The following PKD1 variants were observed in gnomAD, a reference collection of about 807,000 sequenced individuals.
The protein encoded by PKD1 is polycystin-1.
In PKD1, 81 loss-of-function variants were observed where a neutral mutation model predicts 361.7. The observed-to-expected ratio is 0.22, with a 90% CI of 0.19 to 0.27. The LOEUF (loss-of-function observed/expected upper bound fraction) is 0.27, where lower values mean the gene tolerates loss of function less well. PKD1 is among the 10% of genes least tolerant of loss of function. The pLI, the probability that PKD1 is intolerant of heterozygous loss-of-function variation, is 1.00. For missense variants in PKD1, 6,399 were observed against 6,118.3 expected, an observed-to-expected ratio of 1.05 and a Z score of -1.53; for synonymous variants, 3,615 against 2,818.3, an observed-to-expected ratio of 1.28 and a Z score of -8.95.
At chr16:2,107,201 G>A (rs1051803349) in intron 16 of PKD1, 11 of 553,806 alleles carry the variant, frequency 2.0e-5, no homozygotes, top group South Asian at 9.6e-5. Context: ...CCTAGCAGGA[G>A]GCAGGCAATG....
chr16:2,099,340 C>T (rs935046729), intron 30 of PKD1: 9 of 416,516 alleles, frequency 2.2e-5, no homozygotes, highest in Non-Finnish European at 3.6e-5. Flanking sequence ...TTCTGGAGTG[C>T]ATTTCGGAAG....
Position 2,092,552 on chromosome 16 carries a change from G to A in PKD1, c.11197C>T (p.Pro3733Ser), listed in dbSNP as rs2091644876. Residue 3733 changes from proline to serine, a missense_variant, in exon 39 of 46, where the codon CCC becomes TCC. Coordinates refer to ENST00000262304, the MANE Select transcript of PKD1 (RefSeq NM_001009944.3). ...CTGGACTGGTTCCCGTGGACGTAGG[G>A]CAGCAGCACGTGGGCCATCCATGGC... ...LWPWMAHVLL[P>S]YVHGNQSSPE... 6.2e-7 allele frequency: 1 copy of A among 1,612,428 alleles called. No individual in the cohort carries two copies. The highest frequency in any genetic ancestry group is 1.7e-5 in the Admixed American group (1 of 59,996).
At position 2,135,752 on chromosome 16, in the gene PKD1, C is replaced by T. The variant is rs1008137525; in HGVS notation, c.-63G>A. On this transcript the variant is annotated 5_prime_UTR_variant, in exon 1 of 46. Transcript: ENST00000262304. ...GCCCGCCCGCGCGCGGAGGCCGCAG[C>T]TCAGGCGGGGCCCGCGGACGGCATG... The T allele has an allele frequency of 6.2e-6, 6 of 964,604 alleles. No individual in the cohort carries two copies. Among genetic ancestry groups the T allele is most frequent in the Non-Finnish European group, 7.4e-6 (6 of 813,920 alleles). The allele number at this position is 964,604 out of a possible 1,614,324, so 59.8% of individuals were successfully genotyped here. A position where few individuals can be genotyped will look rare whatever the true frequency, so the allele number is the denominator to read the frequency against.
intron 39 of PKD1, 137 bp from the exon 40 acceptor site, chr16:2,092,325 C>CGTTACCATCTCTCATATACAGAGAA (rs1279971346): frequency 1.2e-5 from 12 of 1,041,220 alleles, no homozygotes; most frequent in Non-Finnish European, 2.8e-6. Context: ...AATTAGACAA[C>CGTTACCATCTCTCATATACAGAGAA]GTTACCATCT....
chr16:2,090,159 C>G lies in PKD1; in HGVS notation c.12480G>C (p.Pro4160=). The G allele has an allele frequency of 6.3e-7, 1 of 1,595,750 alleles. No individual in the cohort carries two copies. Among genetic ancestry groups the G allele is most frequent in the East Asian group, 2.2e-5 (1 of 44,612 alleles). ...AGCCCCTGGAGGAGCGAGAGGGCAG[C>G]GGCTCCATCCCTTCAAAGCGGACTT... ...RHKVRFEGME[P]LPSRSSRGSK... Residue 4160 remains proline, a synonymous_variant, in exon 46 of 46, where the codon CCG becomes CCC. Coordinates refer to ENST00000262304, the MANE Select transcript of PKD1 (RefSeq NM_001009944.3).
In PKD1 at chr16:2,091,110, C is replaced by A; in HGVS notation, c.11777G>T (p.Gly3926Val). Residue 3926 changes from glycine (G) to valine (V), a missense_variant, in exon 43 of 46, where the codon GGG becomes GTG. Coordinates refer to ENST00000262304, the MANE Select transcript of PKD1 (RefSeq NM_001009944.3). ...VAEARTWHRE[G>V]RWRVLRLGAW... is the part of the protein sequence containing the mutation. ...TCCGAGCCGCAGCACGCGCCAGCGC[C>A]CTTCCCTGTGCCAAGTACGGGCCTC... 1 of 1,494,754 alleles carries A rather than the reference C, an allele frequency of 6.7e-7. No homozygotes were observed. Among genetic ancestry groups the A allele is most frequent in the Non-Finnish European group, 8.9e-7 (1 of 1,128,382 alleles). 92.6% of individuals were successfully genotyped at this position (1,494,754 alleles called of 1,614,324 possible). A position where few individuals can be genotyped will look rare whatever the true frequency, so the allele number is the denominator to read the frequency against.
rs532448929 is a variant in PKD1 at position 2,109,455 on chromosome 16, C to A, written c.5712G>T (p.Leu1904=). ...ASSKVVAPGQ[L]VHFQILLAAG... is the part of the protein sequence containing the mutation. ...CAGCCAGCAGGATCTGAAAATGGAC[C>A]AGCTGCCCGGGCGCCACCACCTTGC... Residue 1904 remains leucine (L), a synonymous_variant, in exon 15 of 46, where the codon CTG becomes CTT. Transcript: ENST00000262304. The A allele has an allele frequency of 8.1e-6, 13 of 1,607,456 alleles. No individual in the cohort carries two copies. The highest frequency in any genetic ancestry group is 5.5e-5 in the South Asian group (5 of 90,912).
At position 2,089,393 on chromosome 16, in the gene PKD1, C is replaced by T; in HGVS notation, c.*334G>A. 2.3e-6 allele frequency: 1 copy of T among 431,736 alleles called. No individual in the cohort carries two copies. The highest frequency in any genetic ancestry group is 4.2e-6 in the Non-Finnish European group (1 of 236,188). The allele number at this position is 431,736 out of a possible 1,614,324, so 26.7% of individuals were successfully genotyped here. A position where few individuals can be genotyped will look rare whatever the true frequency, so the allele number is the denominator to read the frequency against. ...GGCTAACCCTCCCTGAAGCCAGCAG[C>T]CTTAGCAGTGGGGGACATCTGCCCA... On this transcript the variant is annotated 3_prime_UTR_variant, in exon 46 of 46. Coordinates refer to ENST00000262304, the MANE Select transcript of PKD1 (RefSeq NM_001009944.3).
Position 2,089,549 on chromosome 16 carries a change from G to T in PKD1, c.*178C>A. ...GCTGGGGAGGGGACCCTGGGTCCTG[G>T]TTGGCCACACAGCCTCTTTAAAGTG... On this transcript the variant is annotated 3_prime_UTR_variant, in exon 46 of 46. Coordinates refer to ENST00000262304, the MANE Select transcript of PKD1 (RefSeq NM_001009944.3). 1.4e-6 allele frequency: 1 copy of T among 734,012 alleles called. No homozygotes were observed. Among genetic ancestry groups the T allele is most frequent in the Non-Finnish European group, 2.2e-6 (1 of 445,970 alleles). The allele number at this position is 734,012 out of a possible 1,614,324, so 45.5% of individuals were successfully genotyped here.
In PKD1 at chr16:2,097,619, T is replaced by G. The variant is rs2091900157; in HGVS notation, c.10220+109A>C. 55 of 1,610,240 alleles carry G rather than the reference T, an allele frequency of 3.4e-5. 1 individual carries two copies. The South Asian group carries it at 6.0e-4, about 18-fold the overall frequency. On this transcript the variant is annotated intron_variant, in intron 32 of 45. Coordinates refer to ENST00000262304, the MANE Select transcript of PKD1 (RefSeq NM_001009944.3). Reference sequence around the variant, plus strand: ...CGAGCAAACCTGCTCCCGGGTGGTGTGACCACATGGAGCCACAGACACCCA... The same window carrying G: ...CGAGCAAACCTGCTCCCGGGTGGTGGGACCACATGGAGCCACAGACACCCA...
rs368330127 is a variant in PKD1, at chr16:2,093,850, G to A, written c.10782C>T (p.Ala3594=). 8.9e-6 allele frequency: 14 copies of A among 1,565,476 alleles called. No homozygotes were observed. The highest frequency in any genetic ancestry group is 1.2e-5 in the Non-Finnish European group (14 of 1,161,334). ...VSVAWLLSSS[A]SFLASFLGWE... ...AGCCGAGGAATGAGGCCAGGAAGCT[G>A]GCGCTGCTGGACAGGAGCCACGCAA... The change falls in exon 36 of 46, where the codon GCC becomes GCT. Residue 3594 remains alanine, a synonymous_variant. Coordinates refer to ENST00000262304, the MANE Select transcript of PKD1 (RefSeq NM_001009944.3).
rs1350882435 is a variant in PKD1, at chr16:2,095,736, G to A, written c.10499+1412C>T. Among the ~76,000 whole-genome samples the A allele has an allele frequency of 8.5e-5, 13 of 152,368 alleles. No homozygotes were observed. The South Asian group carries it at 1.9e-3, about 22-fold the overall frequency. ...CCGAAGCACTGTCCGAGCAAGGGAC[G>A]GCCAAGGGTTGAGGAAGCCGGGAGG... On this transcript the variant is annotated intron_variant, in intron 34 of 45. Transcript: ENST00000262304.
At chr16:2,116,220 C>T (rs532181853) in intron 8 of PKD1, 102 bp from the exon 9 acceptor site, 75 of 1,281,320 alleles carry the variant, frequency 5.9e-5, no homozygotes, top group South Asian at 3.4e-4. Context: ...GGAAGGAGAG[C>T]GAGCCATCAG....
rs963389051 is a variant in PKD1, at chr16:2,089,575, C to T, written c.*152G>A. Reference sequence around the variant, plus strand: ...TTGGCCACACAGCCTCTTTAAAGTGCTGAAGCCCACAGACAGACAGATGCC... The same window carrying T: ...TTGGCCACACAGCCTCTTTAAAGTGTTGAAGCCCACAGACAGACAGATGCC... On this transcript the variant is annotated 3_prime_UTR_variant, in exon 46 of 46. Coordinates refer to ENST00000262304, the MANE Select transcript of PKD1 (RefSeq NM_001009944.3). 4.1e-6 allele frequency: 4 copies of T among 983,396 alleles called. No homozygotes were observed. Among genetic ancestry groups the T allele is most frequent in the African/African-American group, 1.6e-5 (1 of 62,188 alleles). 60.9% of individuals were successfully genotyped at this position (983,396 alleles called of 1,614,324 possible).
Position 2,102,949 on chromosome 16 carries a change from G to C in PKD1, c.8813C>G (p.Pro2938Arg), listed in dbSNP as rs760979021. 4 of 1,606,990 alleles carry C rather than the reference G, an allele frequency of 2.5e-6. No homozygotes were observed. Among genetic ancestry groups the C allele is most frequent in the Admixed American group, 3.3e-5 (2 of 60,010 alleles). Residue 2938 changes from proline (P) to arginine (R), a missense_variant, in exon 24 of 46, where the codon CCT (proline) becomes CGT (arginine). Physicochemically the swap from Pro to Arg is moderately radical, Grantham distance 103. Coordinates refer to ENST00000262304, the MANE Select transcript of PKD1 (RefSeq NM_001009944.3). ...LLDGHYLSEE[P>R]EPYLAVYLHS... ...TAGGTAGACTGCCAGGTAGGGCTCA[G>C]GTTCCTCAGACAGGTAGTGGCCTGG...
Position 2,099,775 on chromosome 16 carries a change from G to A in PKD1, c.9924-5C>T. 6.4e-7 allele frequency: 1 copy of A among 1,554,972 alleles called. No individual in the cohort carries two copies. Among genetic ancestry groups the A allele is most frequent in the South Asian group, 1.2e-5 (1 of 84,986 alleles). On this transcript the variant is annotated splice_polypyrimidine_tract_variant and splice_region_variant and intron_variant, in intron 29 of 45. Coordinates refer to ENST00000262304, the MANE Select transcript of PKD1 (RefSeq NM_001009944.3). ...AGCCTGGACACATGCCCCGTGCTGT[G>A]TGGAGGAGAGGAGGCCACACAGGTG... is the stretch of plus-strand genomic sequence containing the variant.
chr16:2,131,490 A>T (rs193225625), intron 1 of PKD1, among the ~76,000 whole-genome samples: 103 of 151,950 alleles, frequency 6.8e-4, no homozygotes, highest in Middle Eastern at 6.8e-3. Context: ...CCTGGGCAAC[A>T]GAGTGAGACT....
Position 2,088,734 on chromosome 16 carries a change from CTT to C in PKD1, c.*991_*992del, listed in dbSNP as rs150008139. The C allele has an allele frequency of 4.4e-5, 59 of 1,334,854 alleles. 1 individual carries two copies. In the Admixed American group the frequency reaches 7.0e-4, roughly 16 times the overall value. 82.7% of individuals were successfully genotyped at this position (1,334,854 alleles called of 1,614,324 possible). ...TGCAGTCAGACAGCTCTTTTATTGA[CTT>C]TGTCTGCTTGGTGCGGGGGTTGGGG... On this transcript the variant is annotated 3_prime_UTR_variant, in exon 46 of 46. Coordinates refer to ENST00000262304, the MANE Select transcript of PKD1 (RefSeq NM_001009944.3).
At chr16:2,127,653 G>C (rs1267356102) in intron 1 of PKD1, among the ~76,000 whole-genome samples, 1 of 151,680 alleles carries the variant, frequency 6.6e-6, no homozygotes, top group Non-Finnish European at 1.5e-5. Context: ...AGGTATGATT[G>C]TTGGGGCTGC....
Sources: gnomAD v4.1 joint callset for allele counts (sites outside exome capture counted in the v4.1 genomes callset) on GRCh38, gnomAD v4.1.1 for gene constraint, MANE v1.5 for transcripts, NCBI Gene and HGNC (gene_info 2026-07-23, HGNC 2026-07-21) for gene names.